The following SH3TC2 variants were observed in gnomAD, a reference collection of about 807,000 sequenced individuals.
SH3TC2 encodes SH3 domain and tetratricopeptide repeat-containing protein 2.
Under a neutral mutation model 124.5 loss-of-function variants are expected in SH3TC2, and 87 were observed. The ratio of observed to expected loss-of-function variants is 0.70; its 90% CI spans 0.59 to 0.84. The LOEUF (loss-of-function observed/expected upper bound fraction) is 0.84. Ranked by LOEUF, SH3TC2 falls within the 40% of genes least tolerant of loss-of-function variation. The probability of loss-of-function intolerance (pLI) is 0.00; values close to 1 mark genes in which losing one functional copy is unlikely to be tolerated. For synonymous variants in SH3TC2, 634 were observed against 628.5 expected (o/e 1.01, Z -0.13); for missense variants, 1,536 against 1,566.4 (o/e 0.98, Z 0.33).
chr5:149,056,947 C>A (rs1754658805), intron 1 of SH3TC2, among the ~76,000 whole-genome samples: 1 of 151,980 alleles, frequency 6.6e-6, no homozygotes, highest in Non-Finnish European at 1.5e-5. Flanking sequence ...GAAAATAAAC[C>A]AAAAGGTCTA....
At position 148,984,526 on chromosome 5, in the gene SH3TC2, G is replaced by A. The variant is rs1389221769; in HGVS notation, c.*20185C>T. On this transcript the variant is annotated 3_prime_UTR_variant, in exon 17 of 17. Transcript: ENST00000515425. ...CATGAGGAAGGTATGCAGGAAGAGG[G>A]AAAAGGTGAAAATTGAGCATTCCTT... 6.6e-6 allele frequency among the ~76,000 whole-genome samples: 1 copy of A among 152,142 alleles called. No homozygotes were observed. Among genetic ancestry groups the A allele is most frequent in the Non-Finnish European group, 1.5e-5 (1 of 68,036 alleles).
chr5:149,029,740 G>A (rs1754151161), intron 9 of SH3TC2, among the ~76,000 whole-genome samples: 1 of 152,148 alleles, frequency 6.6e-6, no homozygotes, highest in African/African-American at 2.4e-5. Flanking sequence ...ACCGGACTAG[G>A]TAAGAACCAA....
rs148607371 is a variant in SH3TC2, at chr5:149,051,176, C to T, written c.151+966G>A. Among the ~76,000 whole-genome samples the T allele has an allele frequency of 2.2e-3, 328 of 152,268 alleles. 3 individuals carry two copies. Among genetic ancestry groups the T allele is most frequent in the African/African-American group, 7.8e-3 (324 of 41,550 alleles). On this transcript the variant is annotated intron_variant, in intron 2 of 16. Transcript: ENST00000515425. ...ACCTTTCCTCTGATAACAATTTTCT[C>T]TTTGCGGGCTTCATCGATGTCTTTT...
chr5:149,008,796 A>G (rs1481463389), intron 15 of SH3TC2, 55 bp downstream of exon 15: 1 of 1,611,630 alleles, frequency 6.2e-7, no homozygotes, highest in Non-Finnish European at 8.5e-7. Flanking sequence ...TTTGCTGTCT[A>G]TCCTTGACTA....
At chr5:149,047,644 G>A (rs896184624) in intron 3 of SH3TC2, 3 of 579,302 alleles carry the variant, frequency 5.2e-6, no homozygotes, top group Non-Finnish European at 6.1e-6. Flanking sequence ...AATTTTCTCT[G>A]ACTCAGCAAC....
At position 148,996,939 on chromosome 5, in the gene SH3TC2, A is replaced by G. The variant is rs1753519259; in HGVS notation, c.*7772T>C. On this transcript the variant is annotated 3_prime_UTR_variant, in exon 17 of 17. Coordinates refer to ENST00000515425, the MANE Select transcript of SH3TC2 (RefSeq NM_024577.4). Reference sequence around the variant, plus strand: ...TGACCCTAAATAAAAATACAGTAAAATGGAAGGTTAGGGAAGTAGATAATT... The same window carrying G: ...TGACCCTAAATAAAAATACAGTAAAGTGGAAGGTTAGGGAAGTAGATAATT... Among the ~76,000 whole-genome samples the G allele has an allele frequency of 6.6e-6, 1 of 152,190 alleles. No homozygotes were observed. The highest frequency in any genetic ancestry group is 2.4e-5 in the African/African-American group (1 of 41,444).
chr5:149,042,016 T>C (rs1397403546), intron 5 of SH3TC2, among the ~76,000 whole-genome samples: 1 of 152,210 alleles, frequency 6.6e-6, no homozygotes, highest in Non-Finnish European at 1.5e-5. Context: ...ATATAATTAC[T>C]CCAATAAGTT....
At chr5:149,013,816 C>T (rs1203303581) in intron 12 of SH3TC2, among the ~76,000 whole-genome samples, 1 of 152,202 alleles carries the variant, frequency 6.6e-6, no homozygotes, top group Non-Finnish European at 1.5e-5. Flanking sequence ...AGTTCTCAGT[C>T]CTGGCAACAA....
chr5:149,019,513 T>A (rs1753933543), intron 12 of SH3TC2, among the ~76,000 whole-genome samples: 1 of 152,144 alleles, frequency 6.6e-6, no homozygotes, highest in African/African-American at 2.4e-5. Flanking sequence ...CTCCCAATTG[T>A]ACAAATAGGA....
rs114097060 is a variant in SH3TC2 at position 148,996,763 on chromosome 5, C to T, written c.*7948G>A. On this transcript the variant is annotated 3_prime_UTR_variant, in exon 17 of 17. Coordinates refer to ENST00000515425, the MANE Select transcript of SH3TC2 (RefSeq NM_024577.4). ...TCAATAACCAAAAAAGTCACCTTCA[C>T]ACATATTTGGCCCGTGCAAGGAAGA... Among the ~76,000 whole-genome samples, 775 of 152,282 alleles carry T rather than the reference C, an allele frequency of 5.1e-3. 10 individuals are homozygous for T. The highest frequency in any genetic ancestry group is 0.018 in the African/African-American group (733 of 41,566).
intron 16 of SH3TC2, chr5:149,006,390 A>G: frequency 5.1e-6 from 1 of 196,746 alleles, no homozygotes; most frequent in Non-Finnish European, 1.1e-5. Context: ...ACATGTTAAT[A>G]TGCACCCACA....
rs752002618 is a variant in SH3TC2 at position 149,027,811 on chromosome 5, G to A, written c.1921C>T (p.Arg641Cys). ...LEARACFLAI[R>C]LLLSLGRHEE... ...TGCCGGCCTAGGCTCAGGAGCAAGCGGATGGCCAGAAAGCAGGCCCTGGCC... is the reference window on the plus strand; with the variant it reads ...TGCCGGCCTAGGCTCAGGAGCAAGCAGATGGCCAGAAAGCAGGCCCTGGCC... The change falls in exon 11 of 17, where the codon CGC becomes TGC. Residue 641 changes from arginine to cysteine, a missense_variant. This residue lies in a region of SH3TC2 where 1,102 missense variants were observed against 1,098.6 expected (regional missense o/e 1.00). Transcript: ENST00000515425. 3.3e-5 allele frequency: 53 copies of A among 1,613,818 alleles called. No individual in the cohort carries two copies. Among genetic ancestry groups the A allele is most frequent in the African/African-American group, 4.0e-5 (3 of 74,946 alleles).
rs540513790 is a variant in SH3TC2 at position 148,997,464 on chromosome 5, C to A, written c.*7247G>T. Among the ~76,000 whole-genome samples, 1 of 152,194 alleles carries A rather than the reference C, an allele frequency of 6.6e-6. No individual in the cohort carries two copies. Among genetic ancestry groups the A allele is most frequent in the African/African-American group, 2.4e-5 (1 of 41,446 alleles). On this transcript the variant is annotated 3_prime_UTR_variant, in exon 17 of 17. Transcript: ENST00000515425. The stretch of plus-strand genomic sequence containing the variant: ...GGCTAAGTTACCTGACTGTGGTCAA[C>A]AATAACACCAGTATTTCTTTTTCAA...
intron 8 of SH3TC2, among the ~76,000 whole-genome samples, chr5:149,036,775 A>C (rs1754289533): frequency 6.6e-6 from 1 of 152,158 alleles, no homozygotes; most frequent in African/African-American, 2.4e-5. Flanking sequence ...CCCAGCCTCC[A>C]TCCAGACCAG....
rs912282924 is a variant in SH3TC2 at position 149,027,625 on chromosome 5, C to T, written c.2107G>A (p.Gly703Arg). 5.6e-6 allele frequency: 9 copies of T among 1,614,140 alleles called. No individual in the cohort carries two copies. In the Admixed American group the frequency reaches 8.3e-5, roughly 15 times the overall value. ...VQQHGIQSAQ[G>R]MSLPIWQVHL... The stretch of plus-strand genomic sequence containing the variant: ...ACCTGCCAAATAGGAAGAGACATCC[C>T]TTGGGCACTCTGGATACCATGTTGC... The change falls in exon 11 of 17, where the codon GGG (glycine) becomes AGG (arginine). Residue 703 changes from glycine to arginine, a missense_variant. Transcript: ENST00000515425.
At chr5:149,054,988 T>C (rs1754617535) in intron 1 of SH3TC2, among the ~76,000 whole-genome samples, 2 of 152,048 alleles carry the variant, frequency 1.3e-5, no homozygotes, top group South Asian at 4.1e-4. Flanking sequence ...AATTGCAAGG[T>C]TTTGCAAAAT....
chr5:149,033,031 A>C (rs1754222955), intron 8 of SH3TC2, among the ~76,000 whole-genome samples: 1 of 152,158 alleles, frequency 6.6e-6, no homozygotes, highest in Non-Finnish European at 1.5e-5. Context: ...TTACTATTTC[A>C]TTTACTGTTT....
Position 148,997,500 on chromosome 5 carries a change from A to C in SH3TC2, c.*7211T>G, listed in dbSNP as rs1161676131. On this transcript the variant is annotated 3_prime_UTR_variant, in exon 17 of 17. Coordinates refer to ENST00000515425, the MANE Select transcript of SH3TC2 (RefSeq NM_024577.4). ...GTATTTCTTTTTCAAGACCTCCTGG[A>C]AAGTCAGTTCTCTCCAATCCTGTTC... is the stretch of plus-strand genomic sequence containing the variant. Among the ~76,000 whole-genome samples the C allele has an allele frequency of 6.6e-6, 1 of 152,204 alleles. No individual in the cohort carries two copies. Among genetic ancestry groups the C allele is most frequent in the Admixed American group, 6.5e-5 (1 of 15,280 alleles).
chr5:149,005,527 C>G lies in SH3TC2; in HGVS notation c.3676-625G>C, dbSNP rs141515807. ...GAACTGAGTTTTTCCCTTTACAATCCGTGGAGTTCTTGGTTGACATGATCA... is the reference window on the plus strand; with the variant it reads ...GAACTGAGTTTTTCCCTTTACAATCGGTGGAGTTCTTGGTTGACATGATCA... On this transcript the variant is annotated intron_variant, in intron 16 of 16. Coordinates refer to ENST00000515425, the MANE Select transcript of SH3TC2 (RefSeq NM_024577.4). 3.0e-3 allele frequency among the ~76,000 whole-genome samples: 452 copies of G among 152,224 alleles called. 2 individuals are homozygous for G. Among genetic ancestry groups the G allele is most frequent in the African/African-American group, 0.01 (433 of 41,528 alleles).
Sources: gnomAD v4.1 joint callset for allele counts (sites outside exome capture counted in the v4.1 genomes callset) on GRCh38, gnomAD v4.1.1 for gene constraint, gnomAD v4.1.1 regional missense constraint, MANE v1.5 for transcripts, NCBI Gene and HGNC (gene_info 2026-07-23, HGNC 2026-07-21) for gene names.